CCSER1: variants seen among roughly 807,000 people sequenced by gnomAD.
CCSER1 encodes the protein serine-rich coiled-coil domain-containing protein 1.
CCSER1 carries 41 observed loss-of-function variants against 82.0 expected under a neutral mutation model. That is an observed-to-expected ratio of 0.50 (90% CI 0.39 to 0.65). The LOEUF (loss-of-function observed/expected upper bound fraction) is 0.65, where lower values mean the gene tolerates loss of function less well. CCSER1 is among the 30% of genes least tolerant of loss of function. The pLI is 0.00. For synonymous variants in CCSER1, 414 were observed against 383.9 expected (o/e 1.08, Z -0.92); for missense variants, 1,119 against 1,064.2 (o/e 1.05, Z -0.72).
intron 3 of CCSER1, among the ~76,000 whole-genome samples, chr4:90,334,895 T>C (rs1740089710): frequency 6.6e-6 from 1 of 152,184 alleles, no homozygotes. Context: ...ATAAACCTAT[T>C]TTCTAGTCAC....
At chr4:91,068,711 G>A (rs1721104121) in intron 9 of CCSER1, among the ~76,000 whole-genome samples, 2 of 152,068 alleles carry the variant, frequency 1.3e-5, no homozygotes, top group African/African-American at 4.8e-5. Context: ...ACTACCACTG[G>A]TTACTTGTTT....
At chr4:90,692,067 A>G (rs944563996) in intron 6 of CCSER1, among the ~76,000 whole-genome samples, 13 of 146,690 alleles carry the variant, frequency 8.9e-5, no homozygotes, top group African/African-American at 3.0e-4. Flanking sequence ...ATATATATAT[A>G]TATGATAAAT....
intron 8 of CCSER1, among the ~76,000 whole-genome samples, chr4:90,900,029 A>T (rs1381811037): frequency 6.8e-6 from 1 of 147,850 alleles, no homozygotes; most frequent in Non-Finnish European, 1.5e-5. Flanking sequence ...TTGGTACCAG[A>T]TCTTCTTTGC....
intron 1 of CCSER1, among the ~76,000 whole-genome samples, chr4:90,295,091 T>A (rs1343146500): frequency 2.0e-5 from 3 of 151,988 alleles, no homozygotes; most frequent in African/African-American, 7.2e-5. Flanking sequence ...ATTTTTAGAA[T>A]TTTAAAAATT....
rs539340239 is a variant in CCSER1 at position 90,559,777 on chromosome 4, T to C, written c.1725-68248T>C. ...GTGCGCCGAGATCGCGCCACTGCACTCCAGCCTGGGAGACAGACCGAGACT... is the reference window on the plus strand; with the variant it reads ...GTGCGCCGAGATCGCGCCACTGCACCCCAGCCTGGGAGACAGACCGAGACT... On this transcript the variant is annotated intron_variant, in intron 5 of 10. Transcript: ENST00000509176. 2.3e-3 allele frequency among the ~76,000 whole-genome samples: 284 copies of C among 123,362 alleles called. 1 individual carries two copies. In the Middle Eastern group the frequency reaches 0.063, roughly 28 times the overall value. 80.9% of individuals were successfully genotyped at this position (123,362 alleles called of 152,430 possible).
intron 5 of CCSER1, among the ~76,000 whole-genome samples, chr4:90,609,819 A>G (rs182448015): frequency 5.9e-5 from 9 of 152,336 alleles, no homozygotes; most frequent in Admixed American, 4.6e-4. Context: ...TCAGTGGCAT[A>G]TTAGAGTCAT....
At chr4:90,175,089 A>G (rs1391613655) in intron 1 of CCSER1, among the ~76,000 whole-genome samples, 1 of 152,036 alleles carries the variant, frequency 6.6e-6, no homozygotes, top group Non-Finnish European at 1.5e-5. Context: ...TAAGAGCCAG[A>G]AACTGGTAAC....
At chr4:90,472,831 C>T (rs1202065988) in intron 5 of CCSER1, among the ~76,000 whole-genome samples, 1 of 152,012 alleles carries the variant, frequency 6.6e-6, no homozygotes, top group Non-Finnish European at 1.5e-5. Context: ...GTGCCCTCAA[C>T]AGATGGTTGG....
intron 10 of CCSER1, among the ~76,000 whole-genome samples, chr4:91,217,456 TAC>T (rs1036993363): frequency 3.3e-4 from 51 of 152,314 alleles, no homozygotes; most frequent in African/African-American, 1.2e-3. Context: ...AGCAGCTAGA[TAC>T]AGAGTGTGGA....
rs529441511 is a variant in CCSER1 at position 91,243,422 on chromosome 4, C to G, written c.2217+157428C>G. Among the ~76,000 whole-genome samples the G allele has an allele frequency of 5.6e-4, 85 of 151,402 alleles. 1 individual carries two copies. The South Asian group carries it at 0.017, about 31-fold the overall frequency. On this transcript the variant is annotated intron_variant, in intron 10 of 10. Transcript: ENST00000509176. ...GGGGTAGCACTGACCTAGGGAGACA[C>G]CAGCTGCTGGCACAGCTAAGGGAGT...
At chr4:90,968,068 G>A (rs776623629) in intron 9 of CCSER1, among the ~76,000 whole-genome samples, 1 of 151,914 alleles carries the variant, frequency 6.6e-6, no homozygotes, top group Non-Finnish European at 1.5e-5. Context: ...TGTCTAAGAG[G>A]CATGCCCCTT....
chr4:90,529,300 C>T (rs926131886), intron 5 of CCSER1, among the ~76,000 whole-genome samples: 33 of 151,980 alleles, frequency 2.2e-4, no homozygotes, highest in Non-Finnish European at 4.1e-4. Flanking sequence ...CTGCAAACTC[C>T]GACTCTCAGG....
chr4:90,750,090 C>G (rs1013617636), intron 7 of CCSER1, among the ~76,000 whole-genome samples: 6 of 151,810 alleles, frequency 4.0e-5, no homozygotes, highest in African/African-American at 1.5e-4. Flanking sequence ...TAAATGTCTT[C>G]TTTTGAGAAG....
chr4:91,171,851 A>G (rs1732790742), intron 10 of CCSER1, among the ~76,000 whole-genome samples: 1 of 152,254 alleles, frequency 6.6e-6, no homozygotes, highest in Middle Eastern at 3.4e-3. Context: ...AATAATTTTG[A>G]ATAGGACAGG....
At chr4:91,211,478 C>T (rs567938409) in intron 10 of CCSER1, among the ~76,000 whole-genome samples, 118 of 152,032 alleles carry the variant, frequency 7.8e-4, no homozygotes, top group Non-Finnish European at 1.2e-3. Context: ...CATGATAATA[C>T]TGCAAAAGTG....
intron 1 of CCSER1, among the ~76,000 whole-genome samples, chr4:90,216,050 T>G (rs543977887): frequency 6.6e-6 from 1 of 152,192 alleles, no homozygotes; most frequent in Non-Finnish European, 1.5e-5. Flanking sequence ...TCTTTATCCC[T>G]GAAGAGATTT....
intron 6 of CCSER1, among the ~76,000 whole-genome samples, chr4:90,714,755 A>T (rs1333352316): frequency 6.6e-6 from 1 of 152,072 alleles, no homozygotes; most frequent in African/African-American, 2.4e-5. Flanking sequence ...AGCAAGATAA[A>T]ACCAATAAGC....
intron 1 of CCSER1, among the ~76,000 whole-genome samples, chr4:90,214,708 A>G (rs2153416640): frequency 6.6e-6 from 1 of 152,272 alleles, no homozygotes; most frequent in Non-Finnish European, 1.5e-5. Context: ...TAAATTGTGA[A>G]ATTAGAACAA....
At chr4:90,943,269 G>T (rs939486753) in intron 9 of CCSER1, among the ~76,000 whole-genome samples, 1 of 152,008 alleles carries the variant, frequency 6.6e-6, no homozygotes, top group Non-Finnish European at 1.5e-5. Flanking sequence ...TTACCTCGTG[G>T]TTCATATATT....
Sources: allele counts gnomAD v4.1 joint callset (sites outside exome capture counted in the v4.1 genomes callset), GRCh38; gene constraint gnomAD v4.1.1; transcripts MANE v1.5; gene names NCBI Gene and HGNC (gene_info 2026-07-23, HGNC 2026-07-21).